Variants in TAF4B observed in about 807,000 individuals in gnomAD.
The protein encoded by TAF4B is transcription initiation factor TFIID subunit 4B.
A neutral mutation model predicts 86.4 loss-of-function variants in TAF4B; 38 were observed. That is an observed-to-expected ratio of 0.44 (90% CI 0.34 to 0.58). The LOEUF is 0.58. Ranked by LOEUF, TAF4B falls within the 20% of genes least tolerant of loss-of-function variation. The probability of loss-of-function intolerance (pLI) is 0.02; values close to 1 mark genes in which losing one functional copy is unlikely to be tolerated. For synonymous variants in TAF4B, 388 were observed against 391.2 expected, an observed-to-expected ratio of 0.99 and a Z score of 0.10; for missense variants, 988 against 1,027.6, an observed-to-expected ratio of 0.96 and a Z score of 0.53.
chr18:26,344,831 A>G (rs948858643), intron 13 of TAF4B, among the ~76,000 whole-genome samples: 3 of 152,286 alleles, frequency 2.0e-5, no homozygotes, highest in Admixed American at 1.3e-4. Context: ...TGGGGAATGG[A>G]GACACACCTA....
intron 14 of TAF4B, among the ~76,000 whole-genome samples, chr18:26,372,373 T>C (rs2057411434): frequency 6.6e-6 from 1 of 152,230 alleles, no homozygotes; most frequent in Non-Finnish European, 1.5e-5. Context: ...GTGATTTCAA[T>C]TGCAGGTATT....
At chr18:26,296,321 T>A (rs1225848179) in intron 9 of TAF4B, among the ~76,000 whole-genome samples, 1 of 152,232 alleles carries the variant, frequency 6.6e-6, no homozygotes, top group African/African-American at 2.4e-5. Flanking sequence ...TCTGCCAATT[T>A]AAATTGCATG....
chr18:26,375,430 T>C (rs2057436006), intron 14 of TAF4B, among the ~76,000 whole-genome samples: 1 of 152,200 alleles, frequency 6.6e-6, no homozygotes. Flanking sequence ...ATATCCCTAA[T>C]GTCTGGGTCA....
intron 1 of TAF4B, among the ~76,000 whole-genome samples, chr18:26,245,362 G>A (rs1318397272): frequency 6.6e-6 from 1 of 152,056 alleles, no homozygotes; most frequent in Non-Finnish European, 1.5e-5. Flanking sequence ...CAGATGGCAC[G>A]GACCCAAAGA....
intron 13 of TAF4B, among the ~76,000 whole-genome samples, chr18:26,346,719 T>A (rs1457292197): frequency 1.6e-5 from 2 of 128,328 alleles, no homozygotes; most frequent in African/African-American, 2.7e-5. Context: ...AGGAAAATTT[T>A]AAAAAACTGC....
intron 13 of TAF4B, among the ~76,000 whole-genome samples, chr18:26,346,757 GTGTATATATATATATA>G (rs1201729313): frequency 3.0e-4 from 9 of 30,230 alleles, no homozygotes; most frequent in African/African-American, 8.3e-4. Flanking sequence ...ATATATATGT[GTGTATATATATATATA>G]TGTGTGTGTA....
chr18:26,239,511 T>C lies in TAF4B; in HGVS notation c.343+12235T>C, dbSNP rs1454807056. 2.4e-4 allele frequency among the ~76,000 whole-genome samples: 37 copies of C among 152,312 alleles called. 1 individual carries two copies. The highest frequency in any genetic ancestry group is 1.2e-3 in the East Asian group (6 of 5,188). On this transcript the variant is annotated intron_variant, in intron 1 of 14. Transcript: ENST00000269142. Reference sequence around the variant, plus strand: ...AGCCCTTTGTCAGATGGGTAGATTGTAAAAATTTTCTCCCACTCTGTAGGT... The same window carrying C: ...AGCCCTTTGTCAGATGGGTAGATTGCAAAAATTTTCTCCCACTCTGTAGGT...
chr18:26,325,370 A>G (rs1331924950), intron 11 of TAF4B, among the ~76,000 whole-genome samples: 6 of 152,198 alleles, frequency 3.9e-5, no homozygotes, highest in Non-Finnish European at 8.8e-5. Context: ...AACATTGTAA[A>G]GCCCTACTCT....
At position 26,391,515 on chromosome 18, in the gene TAF4B, G is replaced by A. The variant is rs1402859682; in HGVS notation, c.*1503G>A. 1 of 152,072 alleles carries A rather than the reference G, an allele frequency of 6.6e-6. No individual in the cohort carries two copies. The highest frequency in any genetic ancestry group is 1.9e-4 in the East Asian group (1 of 5,196). The allele number at this position is 152,072 out of a possible 1,614,324, so 9.4% of individuals were successfully genotyped here. On this transcript the variant is annotated 3_prime_UTR_variant, in exon 15 of 15. Transcript: ENST00000269142. The stretch of plus-strand genomic sequence containing the variant: ...GTAAAATGCTATAAATTATGTGTAT[G>A]TTAAAGGAGTACTTTAAGAAGAGAT...
intron 14 of TAF4B, among the ~76,000 whole-genome samples, chr18:26,362,512 G>T (rs945225188): frequency 5.3e-5 from 8 of 151,958 alleles, no homozygotes; most frequent in African/African-American, 1.7e-4. Flanking sequence ...CAGATTTTTA[G>T]GTGTTTTTAT....
chr18:26,343,196 T>A (rs542634318), intron 13 of TAF4B, among the ~76,000 whole-genome samples: 55 of 152,126 alleles, frequency 3.6e-4, no homozygotes, highest in Non-Finnish European at 6.0e-4. Flanking sequence ...CTGGATGCAA[T>A]CACAGACGTG....
intron 1 of TAF4B, among the ~76,000 whole-genome samples, chr18:26,239,120 G>A (rs2055796093): frequency 1.3e-5 from 2 of 152,174 alleles, no homozygotes; most frequent in Admixed American, 6.5e-5. Flanking sequence ...TGGGATGGCT[G>A]GGTCAAATGG....
intron 14 of TAF4B, among the ~76,000 whole-genome samples, chr18:26,361,909 T>C (rs1197344227): frequency 6.6e-6 from 1 of 152,256 alleles, no homozygotes; most frequent in South Asian, 2.1e-4. Context: ...TAAATTGGGG[T>C]GTGCTATTTC....
chr18:26,246,893 CA>C (rs2055934554), intron 1 of TAF4B, among the ~76,000 whole-genome samples: 1 of 150,366 alleles, frequency 6.7e-6, no homozygotes, highest in Admixed American at 6.7e-5. Context: ...TCTTGTTGCC[CA>C]GGTTGGAGTG....
intron 14 of TAF4B, among the ~76,000 whole-genome samples, chr18:26,382,255 C>G (rs150572022): frequency 0.01 from 1,560 of 152,218 alleles, 21 homozygotes; most frequent in African/African-American, 0.036. Context: ...TGTGAGTTTT[C>G]AGAGGTCTTT....
At chr18:26,314,984 C>A (rs1404608679) in intron 9 of TAF4B, among the ~76,000 whole-genome samples, 1 of 151,906 alleles carries the variant, frequency 6.6e-6, no homozygotes, top group Non-Finnish European at 1.5e-5. Context: ...TAATTACTTT[C>A]AAAAGCTTAA....
Position 26,318,340 on chromosome 18 carries a change from T to G in TAF4B, c.2003-2730T>G, listed in dbSNP as rs773292265. Among the ~76,000 whole-genome samples the G allele has an allele frequency of 8.6e-5, 13 of 151,782 alleles. No homozygotes were observed. In the South Asian group the frequency reaches 2.5e-3, roughly 29 times the overall value. On this transcript the variant is annotated intron_variant, in intron 10 of 14. Transcript: ENST00000269142. ...TATGGAAAACTTCAAGAATTCTTACTTCTGAATTAGCTAAGCTTTTTTTTT... is the reference window on the plus strand; with the variant it reads ...TATGGAAAACTTCAAGAATTCTTACGTCTGAATTAGCTAAGCTTTTTTTTT...
At chr18:26,292,735 C>T (rs768177705) in intron 8 of TAF4B, among the ~76,000 whole-genome samples, 2 of 152,152 alleles carry the variant, frequency 1.3e-5, no homozygotes, top group Non-Finnish European at 2.9e-5. Flanking sequence ...GTTGGCCAGG[C>T]TGGTCTCAAA....
Position 26,335,507 on chromosome 18 carries a change from A to T in TAF4B, c.2316+276A>T, listed in dbSNP as rs188681943. Among the ~76,000 whole-genome samples, 565 of 150,622 alleles carry T rather than the reference A, an allele frequency of 3.8e-3. 3 individuals are homozygous for T. The highest frequency in any genetic ancestry group is 0.013 in the African/African-American group (519 of 41,340). ...TTGGAGGAATATAATGTGAGATTTTAAAAAAAAAGAAACTTTTGAGATTTA... is the reference window on the plus strand; with the variant it reads ...TTGGAGGAATATAATGTGAGATTTTTAAAAAAAAGAAACTTTTGAGATTTA... On this transcript the variant is annotated intron_variant, in intron 13 of 14. Transcript: ENST00000269142.
Sources: allele counts gnomAD v4.1 joint callset (sites outside exome capture counted in the v4.1 genomes callset), GRCh38; gene constraint gnomAD v4.1.1; transcripts MANE v1.5; gene names NCBI Gene and HGNC (gene_info 2026-07-23, HGNC 2026-07-21).